The following PHF20L1 variants were observed in gnomAD, a reference collection of about 807,000 sequenced individuals.
PHF20L1 encodes PHD finger protein 20 like 1, also known as PHD finger protein 20-like protein 1.
In PHF20L1, 44 loss-of-function variants were observed where a neutral mutation model predicts 125.5. That is an observed-to-expected ratio of 0.35 (90% CI 0.28 to 0.45). PHF20L1 has a LOEUF of 0.45. Ranked by LOEUF, PHF20L1 falls within the 20% of genes least tolerant of loss-of-function variation. PHF20L1 has a pLI of 1.00. For synonymous variants in PHF20L1, 380 were observed against 403.1 expected, an observed-to-expected ratio of 0.94 and a Z score of 0.69; for missense variants, 1,012 against 1,217.2, an observed-to-expected ratio of 0.83 and a Z score of 2.51.
Position 132,777,929 on chromosome 8 carries a change from C to G in PHF20L1, c.83+18C>G, listed in dbSNP as rs771460367. 2.1e-6 allele frequency: 3 copies of G among 1,434,522 alleles called. No homozygotes were observed. The highest frequency in any genetic ancestry group is 2.3e-5 in the South Asian group (2 of 87,020). The allele number at this position is 1,434,522 out of a possible 1,614,324, so 88.9% of individuals were successfully genotyped here. ...CAAAAATGGTATGGAAAATATAGAA[C>G]TTTCACCTAAATATCACAATATCTG... On this transcript the variant is annotated intron_variant, in intron 2 of 20. Transcript: ENST00000395386.
chr8:132,794,269 G>T, intron 2 of PHF20L1, 141 bp from the exon 3 acceptor site: 1 of 552,976 alleles, frequency 1.8e-6, no homozygotes, highest in South Asian at 2.9e-5. Context: ...AGAGTTTTTT[G>T]GTTAGTTTTA....
intron 6 of PHF20L1, among the ~76,000 whole-genome samples, chr8:132,801,538 A>G (rs907316486): frequency 6.6e-6 from 1 of 151,734 alleles, no homozygotes; most frequent in African/African-American, 2.4e-5. Context: ...AGTTCATGGA[A>G]AGATCACACT....
At position 132,842,716 on chromosome 8, in the gene PHF20L1, T is replaced by C; in HGVS notation, c.2589T>C (p.Tyr863=). 6.2e-7 allele frequency: 1 copy of C among 1,613,362 alleles called. No individual in the cohort carries two copies. Among genetic ancestry groups the C allele is most frequent in the Non-Finnish European group, 8.5e-7 (1 of 1,179,606 alleles). ...EGTYITSEHS[Y]QKPQSFGQDC... Reference sequence around the variant, plus strand: ...CTTATATAACAAGTGAGCATAGCTATCAAAAGCCACAAAGTTTTGGTCAGG... The same window carrying C: ...CTTATATAACAAGTGAGCATAGCTACCAAAAGCCACAAAGTTTTGGTCAGG... The change falls in exon 19 of 21, where the codon TAT becomes TAC. Residue 863 remains tyrosine (Y), a synonymous_variant. Transcript: ENST00000395386.
In PHF20L1 at chr8:132,842,792, A is replaced by G. The variant is rs749518041; in HGVS notation, c.2665A>G (p.Ser889Gly). 6.2e-7 allele frequency: 1 copy of G among 1,613,190 alleles called. No individual in the cohort carries two copies. The highest frequency in any genetic ancestry group is 1.1e-5 in the South Asian group (1 of 91,034). The change falls in exon 19 of 21, where the codon AGT becomes GGT. Residue 889 changes from serine to glycine, a missense_variant. Ser to Gly is a moderately conservative substitution (Grantham distance 56). Around this residue, in one of 7 missense-constraint regions of PHF20L1, gnomAD observed 277 missense variants for 283.6 expected, o/e 0.98. Coordinates refer to ENST00000395386, the MANE Select transcript of PHF20L1 (RefSeq NM_016018.5). ...GAGCTCAGATGATGATGATGTTAGT[A>G]GTTTGGAAGAAGAACAAGAATTCCA... ...PGSSDDDDVSSLEEEQEFHMR... is the reference protein window; with the variant it reads ...PGSSDDDDVSGLEEEQEFHMR...
In PHF20L1 at chr8:132,809,800, C is replaced by G. The variant is rs543384077; in HGVS notation, c.848-1246C>G. On this transcript the variant is annotated intron_variant, in intron 8 of 20. Transcript: ENST00000395386. ...CCATAAACAAAAACAAATACTTGTT[C>G]TAGGCTTATAAACTGGGGTTCACTG... is the stretch of plus-strand genomic sequence containing the variant. 1.2e-3 allele frequency: 178 copies of G among 152,156 alleles called. 1 individual carries two copies. The highest frequency in any genetic ancestry group is 4.2e-3 in the African/African-American group (173 of 41,532). The allele number at this position is 152,156 out of a possible 1,614,324, so 9.4% of individuals were successfully genotyped here.
At position 132,833,473 on chromosome 8, in the gene PHF20L1, C is replaced by G. The variant is rs530386512; in HGVS notation, c.1909+1074C>G. ...CCCATGGTTCAGTGGTTCTTCACCC[C>G]CGGTGAACCTTACAATCATTGCTGC... is the stretch of plus-strand genomic sequence containing the variant. On this transcript the variant is annotated intron_variant, in intron 15 of 20. Transcript: ENST00000395386. 2.6e-3 allele frequency among the ~76,000 whole-genome samples: 389 copies of G among 152,186 alleles called. 4 individuals carry two copies. Among genetic ancestry groups the G allele is most frequent in the African/African-American group, 8.7e-3 (361 of 41,540 alleles).
At chr8:132,782,606 A>C (rs1045803582) in intron 2 of PHF20L1, among the ~76,000 whole-genome samples, 53 of 151,532 alleles carry the variant, frequency 3.5e-4, no homozygotes, top group Non-Finnish European at 3.1e-4. Flanking sequence ...TTTTTGAGAC[A>C]AAGTTTTACT....
chr8:132,823,646 T>G (rs1008431106), intron 12 of PHF20L1, among the ~76,000 whole-genome samples: 3 of 151,958 alleles, frequency 2.0e-5, no homozygotes, highest in African/African-American at 7.2e-5. Flanking sequence ...ACATTTTGAC[T>G]CACATAATCC....
intron 16 of PHF20L1, among the ~76,000 whole-genome samples, chr8:132,837,183 A>G (rs1837453454): frequency 6.6e-6 from 1 of 151,782 alleles, no homozygotes; most frequent in South Asian, 2.1e-4. Flanking sequence ...TCTTTAAGAT[A>G]AAAGGAAAGC....
At chr8:132,797,783 ATAT>A (rs1165225846) in intron 4 of PHF20L1, among the ~76,000 whole-genome samples, 1 of 152,012 alleles carries the variant, frequency 6.6e-6, no homozygotes, top group Admixed American at 6.6e-5. Flanking sequence ...TTGCACATAT[ATAT>A]TATCGGCTTT....
intron 19 of PHF20L1, chr8:132,843,886 T>A: frequency 1.0e-6 from 1 of 985,320 alleles, no homozygotes; most frequent in African/African-American, 1.7e-5. Flanking sequence ...ATAGAATTAG[T>A]GACTTCATTT....
chr8:132,779,828 G>A (rs1008324333), intron 2 of PHF20L1, among the ~76,000 whole-genome samples: 2 of 152,140 alleles, frequency 1.3e-5, no homozygotes, highest in Admixed American at 6.5e-5. Flanking sequence ...AGAATACTTG[G>A]AATTTCAGAG....
Position 132,811,109 on chromosome 8 carries a change from C to T in PHF20L1, c.911C>T (p.Thr304Ile). The change falls in exon 9 of 21, where the codon ACA becomes ATA. Residue 304 changes from threonine (T) to isoleucine (I), a missense_variant. This residue lies in a region of PHF20L1 where 119 missense variants were observed against 160.2 expected (regional missense o/e 0.74). Coordinates refer to ENST00000395386, the MANE Select transcript of PHF20L1 (RefSeq NM_016018.5). ...GAEKKEDYNE[T>I]APMLEQAISP... is the part of the protein sequence containing the mutation. ...GAAAAAAAGGAAGACTACAATGAAA[C>T]AGCTCCAATGCTGGAGCAGGTATGA... 2 of 1,611,732 alleles carry T rather than the reference C, an allele frequency of 1.2e-6. No homozygotes were observed. The highest frequency in any genetic ancestry group is 1.7e-6 in the Non-Finnish European group (2 of 1,178,174).
chr8:132,805,887 A>G (rs1833631816), intron 8 of PHF20L1, among the ~76,000 whole-genome samples: 1 of 151,988 alleles, frequency 6.6e-6, no homozygotes, highest in African/African-American at 2.4e-5. Context: ...AGGAGAGGAA[A>G]TATTTTAAAT....
intron 2 of PHF20L1, among the ~76,000 whole-genome samples, chr8:132,780,806 A>G (rs1830332224): frequency 6.6e-6 from 1 of 151,240 alleles, no homozygotes; most frequent in Non-Finnish European, 1.5e-5. Context: ...AAGTGGTGCT[A>G]GTGAAGAACC....
chr8:132,782,621 C>A (rs1362993992), intron 2 of PHF20L1, among the ~76,000 whole-genome samples: 1 of 151,766 alleles, frequency 6.6e-6, no homozygotes, highest in Non-Finnish European at 1.5e-5. Flanking sequence ...TTTACTGTCA[C>A]CCAGGCTGCA....
chr8:132,828,667 A>G (rs570290606), intron 14 of PHF20L1, among the ~76,000 whole-genome samples: 1 of 152,076 alleles, frequency 6.6e-6, no homozygotes, highest in Non-Finnish European at 1.5e-5. Flanking sequence ...TAATACTAAC[A>G]TTGTGTTTAA....
At chr8:132,782,590 C>CTT (rs34304431) in intron 2 of PHF20L1, among the ~76,000 whole-genome samples, 19 of 147,814 alleles carry the variant, frequency 1.3e-4, no homozygotes, top group Middle Eastern at 3.5e-3. Context: ...TTTCTTTTTC[C>CTT]TTTTTTTTTT....
intron 16 of PHF20L1, 87 bp downstream of exon 16, chr8:132,836,808 CTG>C (rs1837405590): frequency 3.3e-6 from 3 of 917,916 alleles, no homozygotes; most frequent in African/African-American, 3.3e-5. Context: ...TCTTTACTGA[CTG>C]TACTACTGAA....
Sources: gnomAD v4.1 joint callset for allele counts (sites outside exome capture counted in the v4.1 genomes callset) on GRCh38, gnomAD v4.1.1 for gene constraint, gnomAD v4.1.1 regional missense constraint, MANE v1.5 for transcripts, NCBI Gene and HGNC (gene_info 2026-07-23, HGNC 2026-07-21) for gene names.